Variants in RWDD1 observed in about 807,000 individuals in gnomAD.
RWDD1 encodes the protein RWD domain containing 1, also known as RWD domain-containing protein 1.
Under a neutral mutation model 31.6 loss-of-function variants are expected in RWDD1, and 17 were observed. The observed-to-expected ratio is 0.54, with a 90% CI of 0.37 to 0.81. RWDD1 has a LOEUF of 0.81. RWDD1 is among the 30% of genes least tolerant of loss of function. RWDD1 has a pLI of 0.00. For missense variants in RWDD1, 204 were observed against 274.5 expected, an observed-to-expected ratio of 0.74 and a Z score of 1.82; for synonymous variants, 78 against 94.2, an observed-to-expected ratio of 0.83 and a Z score of 0.99.
intron 1 of RWDD1, among the ~76,000 whole-genome samples, chr6:116,577,420 A>G (rs1292170571): frequency 6.6e-6 from 1 of 151,922 alleles, no homozygotes; most frequent in Non-Finnish European, 1.5e-5. Context: ...CATTTAGTCT[A>G]ATGGCTTTAG....
rs141443274 is a variant in RWDD1 at position 116,589,218 on chromosome 6, C to T, written c.414+233C>T. On this transcript the variant is annotated intron_variant, in intron 4 of 6. Transcript: ENST00000466444. ...GTTAGTAAAACTCATGCAGATAAGA[C>T]CAAGAAGTATAAAGATTTCACCTAT... Among the ~76,000 whole-genome samples, 165 of 151,916 alleles carry T rather than the reference C, an allele frequency of 1.1e-3. 2 individuals are homozygous for T. Among genetic ancestry groups the T allele is most frequent in the South Asian group, 5.4e-3 (26 of 4,812 alleles).
At chr6:116,592,531 T>G (rs1043404141) in intron 6 of RWDD1, among the ~76,000 whole-genome samples, 2 of 152,170 alleles carry the variant, frequency 1.3e-5, no homozygotes, top group Non-Finnish European at 2.9e-5. Flanking sequence ...TACCATTGGC[T>G]AAAAGGGGAA....
chr6:116,592,965 G>A lies in RWDD1; in HGVS notation c.611-15G>A. On this transcript the variant is annotated splice_polypyrimidine_tract_variant and intron_variant, in intron 6 of 6. Coordinates refer to ENST00000466444, the MANE Select transcript of RWDD1 (RefSeq NM_015952.4). ...CTAAAGGAGATTTTTTTTTTTTTTT[G>A]GTTGCCTTTTGCAGCTGGAAACAAC... 6.8e-7 allele frequency: 1 copy of A among 1,479,436 alleles called. No homozygotes were observed. The highest frequency in any genetic ancestry group is 8.9e-7 in the Non-Finnish European group (1 of 1,117,716). The allele number at this position is 1,479,436 out of a possible 1,614,324, so 91.6% of individuals were successfully genotyped here. A position where few individuals can be genotyped will look rare whatever the true frequency, so the allele number is the denominator to read the frequency against.
Position 116,597,660 on chromosome 6 carries a change from A to G in RWDD1, c.*4559A>G, listed in dbSNP as rs900650330. The G allele has an allele frequency of 1.3e-5, 2 of 152,040 alleles. No homozygotes were observed. The highest frequency in any genetic ancestry group is 4.8e-5 in the African/African-American group (2 of 41,438). The allele number at this position is 152,040 out of a possible 1,614,324, so 9.4% of individuals were successfully genotyped here. A position where few individuals can be genotyped will look rare whatever the true frequency, so the allele number is the denominator to read the frequency against. On this transcript the variant is annotated 3_prime_UTR_variant, in exon 7 of 7. Transcript: ENST00000466444. Reference sequence around the variant, plus strand: ...TTAAAAAAACAGGTAAAAATAAAATATTTGCCAAAGACTAAGGGTTGCAAA... The same window carrying G: ...TTAAAAAAACAGGTAAAAATAAAATGTTTGCCAAAGACTAAGGGTTGCAAA...
At chr6:116,577,665 G>C (rs940597578) in intron 1 of RWDD1, among the ~76,000 whole-genome samples, 3 of 151,878 alleles carry the variant, frequency 2.0e-5, no homozygotes, top group African/African-American at 7.3e-5. Context: ...TATTCCCATT[G>C]CTGCCGACCT....
intron 2 of RWDD1, among the ~76,000 whole-genome samples, chr6:116,581,048 A>G (rs1446257381): frequency 2.6e-5 from 4 of 152,180 alleles, no homozygotes; most frequent in Middle Eastern, 3.4e-3. Flanking sequence ...TTAATAGCCA[A>G]CTTTTATGGT....
Position 116,574,893 on chromosome 6 carries a change from A to G in RWDD1, c.73+3238A>G, listed in dbSNP as rs146699450. 3.3e-3 allele frequency among the ~76,000 whole-genome samples: 504 copies of G among 151,534 alleles called. 2 individuals carry two copies. Among genetic ancestry groups the G allele is most frequent in the African/African-American group, 0.012 (484 of 41,250 alleles). ...AAGTGATCTTCCCACCTCAGCCTCC[A>G]GAGTAGCTGGGATTACAGGCTCGCA... is the stretch of plus-strand genomic sequence containing the variant. On this transcript the variant is annotated intron_variant, in intron 1 of 6. Coordinates refer to ENST00000466444, the MANE Select transcript of RWDD1 (RefSeq NM_015952.4).
chr6:116,582,850 T>C (rs1377652924), intron 2 of RWDD1, among the ~76,000 whole-genome samples: 2 of 152,022 alleles, frequency 1.3e-5, no homozygotes, highest in Non-Finnish European at 2.9e-5. Context: ...TTTCTTCAGA[T>C]CTTTATTTTT....
intron 1 of RWDD1, among the ~76,000 whole-genome samples, chr6:116,573,577 A>T (rs1774785579): frequency 6.6e-6 from 1 of 152,212 alleles, no homozygotes; most frequent in Non-Finnish European, 1.5e-5. Context: ...GAGGACTTTG[A>T]AATAAAATGT....
intron 2 of RWDD1, among the ~76,000 whole-genome samples, chr6:116,580,878 G>A (rs1330193894): frequency 6.6e-6 from 1 of 152,116 alleles, no homozygotes; most frequent in Non-Finnish European, 1.5e-5. Context: ...TAAATTTGGA[G>A]ATGTTTGGGG....
Position 116,590,942 on chromosome 6 carries a change from T to G in RWDD1, c.602T>G (p.Leu201Trp), listed in dbSNP as rs377361434. 1.3e-6 allele frequency: 2 copies of G among 1,578,652 alleles called. No individual in the cohort carries two copies. Among genetic ancestry groups the G allele is most frequent in the East Asian group, 4.6e-5 (2 of 43,034 alleles). Reference sequence around the variant, plus strand: ...CTTGACACATCTGATATCCAGTTCTTGGAGGATGGTAAGATAATAGTAGAA... The same window carrying G: ...CTTGACACATCTGATATCCAGTTCTGGGAGGATGGTAAGATAATAGTAGAA... ...HNLDTSDIQFLEDAGNNVEVD... is the reference protein window; with the variant it reads ...HNLDTSDIQFWEDAGNNVEVD... Residue 201 changes from leucine to tryptophan, a missense_variant, in exon 6 of 7, where the codon TTG becomes TGG. Leu to Trp is a moderately conservative substitution (Grantham distance 61, BLOSUM62 -2). Transcript: ENST00000466444.
Position 116,587,479 on chromosome 6 carries a change from G to A in RWDD1, c.271-1363G>A, listed in dbSNP as rs568037412. On this transcript the variant is annotated intron_variant, in intron 3 of 6. Transcript: ENST00000466444. Reference sequence around the variant, plus strand: ...TTATTGAACTTAGGATTTGAAGTTGGTGGTGATAAGTGGTGTAACTAAAGG... The same window carrying A: ...TTATTGAACTTAGGATTTGAAGTTGATGGTGATAAGTGGTGTAACTAAAGG... 2.0e-5 allele frequency among the ~76,000 whole-genome samples: 3 copies of A among 152,260 alleles called. No homozygotes were observed. In the South Asian group the frequency reaches 6.2e-4, roughly 32 times the overall value.
chr6:116,585,969 C>T (rs1775033100), intron 3 of RWDD1, among the ~76,000 whole-genome samples: 1 of 151,948 alleles, frequency 6.6e-6, no homozygotes, highest in Admixed American at 6.6e-5. Context: ...CTTCGAACAT[C>T]TTTTAAAACA....
intron 1 of RWDD1, among the ~76,000 whole-genome samples, chr6:116,576,279 A>G (rs1328353529): frequency 5.3e-5 from 8 of 152,302 alleles, no homozygotes; most frequent in African/African-American, 1.9e-4. Context: ...ATACCATCTT[A>G]GTTGTTGATT....
At chr6:116,579,060 G>A (rs1774903867) in intron 1 of RWDD1, among the ~76,000 whole-genome samples, 2 of 152,146 alleles carry the variant, frequency 1.3e-5, no homozygotes, top group Admixed American at 1.3e-4. Flanking sequence ...GTTTTTAGTA[G>A]TGATGAGGTT....
rs1297331660 is a variant in RWDD1 at position 116,594,827 on chromosome 6, A to G, written c.*1726A>G. The G allele has an allele frequency of 6.6e-6, 1 of 152,348 alleles. No homozygotes were observed. The highest frequency in any genetic ancestry group is 1.9e-4 in the East Asian group (1 of 5,188). The allele number at this position is 152,348 out of a possible 1,614,324, so 9.4% of individuals were successfully genotyped here. A position where few individuals can be genotyped will look rare whatever the true frequency, so the allele number is the denominator to read the frequency against. On this transcript the variant is annotated 3_prime_UTR_variant, in exon 7 of 7. Coordinates refer to ENST00000466444, the MANE Select transcript of RWDD1 (RefSeq NM_015952.4). The stretch of plus-strand genomic sequence containing the variant: ...GCTATTATAAAGAGCTGCCTCCAGT[A>G]AAAAATACATATGCCACATACCCAC...
chr6:116,596,373 G>T lies in RWDD1; in HGVS notation c.*3272G>T, dbSNP rs975047197. ...ATCAGGGTGACAAAGATGAAAGAAT[G>T]CTGCCAGAAAAGTATATTGTTAAAT... is the stretch of plus-strand genomic sequence containing the variant. On this transcript the variant is annotated 3_prime_UTR_variant, in exon 7 of 7. Coordinates refer to ENST00000466444, the MANE Select transcript of RWDD1 (RefSeq NM_015952.4). The T allele has an allele frequency of 4.6e-5, 7 of 152,190 alleles. No individual in the cohort carries two copies. The highest frequency in any genetic ancestry group is 8.8e-5 in the Non-Finnish European group (6 of 68,028). 9.4% of individuals were successfully genotyped at this position (152,190 alleles called of 1,614,324 possible). A position where few individuals can be genotyped will look rare whatever the true frequency, so the allele number is the denominator to read the frequency against.
chr6:116,579,096 G>T (rs1267215619), intron 1 of RWDD1, among the ~76,000 whole-genome samples: 1 of 152,140 alleles, frequency 6.6e-6, no homozygotes, highest in Non-Finnish European at 1.5e-5. Flanking sequence ...GGCTGGTCTC[G>T]AACTCCTGGC....
intron 1 of RWDD1, among the ~76,000 whole-genome samples, chr6:116,573,365 G>T (rs1349629845): frequency 2.0e-5 from 3 of 152,150 alleles, no homozygotes; most frequent in Non-Finnish European, 4.4e-5. Context: ...CTGAGCCAGG[G>T]TAATAAAAGA....
Sources: allele counts gnomAD v4.1 joint callset (sites outside exome capture counted in the v4.1 genomes callset), GRCh38; gene constraint gnomAD v4.1.1; transcripts MANE v1.5; gene names NCBI Gene and HGNC (gene_info 2026-07-23, HGNC 2026-07-21).